DNAH5: variants seen among roughly 807,000 people sequenced by gnomAD.
DNAH5 encodes the protein dynein axonemal heavy chain 5, also known as axonemal beta dynein heavy chain 5.
Under a neutral mutation model 518.2 loss-of-function variants are expected in DNAH5, and 372 were observed. The ratio of observed to expected loss-of-function variants is 0.72; its 90% CI spans 0.66 to 0.78. DNAH5 has a LOEUF of 0.78. Ranked by LOEUF, DNAH5 falls within the 30% of genes least tolerant of loss-of-function variation. The pLI is 0.00. For synonymous variants in DNAH5, 2,039 were observed against 2,025.9 expected (o/e 1.01, Z -0.17); for missense variants, 5,523 against 5,687.0 (o/e 0.97, Z 0.93).
intron 59 of DNAH5, among the ~76,000 whole-genome samples, chr5:13,765,054 C>T (rs1460891041): frequency 5.9e-5 from 9 of 152,162 alleles, no homozygotes. Flanking sequence ...AGGTCATTTA[C>T]AAGTATTGTA....
chr5:13,929,660 T>C (rs1213639016), intron 2 of DNAH5, among the ~76,000 whole-genome samples: 1 of 152,196 alleles, frequency 6.6e-6, no homozygotes, highest in Non-Finnish European at 1.5e-5. Flanking sequence ...GTGAAGGGCA[T>C]GCTTCCATCA....
chr5:13,989,569 T>C (rs549643987), intron 1 of DNAH5, among the ~76,000 whole-genome samples: 122 of 150,886 alleles, frequency 8.1e-4, no homozygotes, highest in Middle Eastern at 3.4e-3. Flanking sequence ...CTGCAAGCTC[T>C]GCCTCCCGGG....
chr5:13,985,430 A>ATAT (rs1782977078), intron 1 of DNAH5, among the ~76,000 whole-genome samples: 2 of 127,346 alleles, frequency 1.6e-5, no homozygotes, highest in Non-Finnish European at 3.4e-5. Flanking sequence ...AGTATAATAA[A>ATAT]ATATATATAT....
In DNAH5 at chr5:13,820,393, C is replaced by G. The variant is rs758160967; in HGVS notation, c.6794G>C (p.Gly2265Ala). 1.3e-5 allele frequency: 21 copies of G among 1,611,292 alleles called. No individual in the cohort carries two copies. Among genetic ancestry groups the G allele is most frequent in the South Asian group, 8.8e-5 (8 of 90,906 alleles). ...GTGGATGCAGGTGGTCTTCCCAGCC[C>G]CACTGGGCCCCAGAGTCATCATCCC... ...RHGMMTLGPSGAGKTTCIHTL... is the reference protein window; with the variant it reads ...RHGMMTLGPSAAGKTTCIHTL... Residue 2265 changes from glycine to alanine, a missense_variant, in exon 41 of 79, where the codon GGG becomes GCG. By Grantham distance (60) the Gly-to-Ala change is moderately conservative. Around this residue, in one of 3 missense-constraint regions of DNAH5, gnomAD observed 5,121 missense variants for 5,223.3 expected, o/e 0.98. Coordinates refer to ENST00000265104, the MANE Select transcript of DNAH5 (RefSeq NM_001369.3).
chr5:13,820,783 C>T (rs916953354), intron 40 of DNAH5, among the ~76,000 whole-genome samples: 3 of 147,768 alleles, frequency 2.0e-5, no homozygotes, highest in Non-Finnish European at 4.4e-5. Flanking sequence ...CGAGATTGCA[C>T]CACTGCACTC....
At chr5:14,004,404 A>G (rs1267564167) in intron 1 of DNAH5, among the ~76,000 whole-genome samples, 1 of 152,206 alleles carries the variant, frequency 6.6e-6, no homozygotes, top group East Asian at 1.9e-4. Flanking sequence ...ACCAAACAAC[A>G]GAGTTGTTTT....
chr5:13,959,597 AGGT>A (rs1267768196), intron 1 of DNAH5, among the ~76,000 whole-genome samples: 4 of 152,156 alleles, frequency 2.6e-5, no homozygotes, highest in African/African-American at 9.7e-5. Context: ...TGGGACCTGG[AGGT>A]GGTTTTACCC....
At position 13,885,215 on chromosome 5, in the gene DNAH5, T is replaced by G; in HGVS notation, c.2757A>C (p.Glu919Asp). Reference protein sequence around the residue: ...YKNESSAKREEGNFDTLTSSI... With the variant: ...YKNESSAKREDGNFDTLTSSI... ...ATGATGTCAAGGTGTCAAAATTTCCTTCTTCTCTTTTTGCTGTTACAAGAT... is the reference window on the plus strand; with the variant it reads ...ATGATGTCAAGGTGTCAAAATTTCCGTCTTCTCTTTTTGCTGTTACAAGAT... Residue 919 changes from glutamate to aspartate, a missense_variant, in exon 19 of 79, where the codon GAA becomes GAC. By Grantham distance (45) the Glu-to-Asp change is conservative. Around this residue, in one of 3 missense-constraint regions of DNAH5, gnomAD observed 5,121 missense variants for 5,223.3 expected, o/e 0.98. Transcript: ENST00000265104. The G allele has an allele frequency of 6.2e-7, 1 of 1,614,112 alleles. No homozygotes were observed. Among genetic ancestry groups the G allele is most frequent in the Non-Finnish European group, 8.5e-7 (1 of 1,179,962 alleles).
intron 75 of DNAH5, among the ~76,000 whole-genome samples, chr5:13,710,070 C>T (rs1357698954): frequency 1.3e-5 from 2 of 152,048 alleles, no homozygotes; most frequent in Non-Finnish European, 2.9e-5. Flanking sequence ...TGCACCCCAC[C>T]GCCAACTCCG....
intron 1 of DNAH5, among the ~76,000 whole-genome samples, chr5:13,999,195 T>G (rs140531341): frequency 6.6e-6 from 1 of 152,360 alleles, no homozygotes; most frequent in East Asian, 1.9e-4. Flanking sequence ...TTTTTAAAAT[T>G]TTATTTTACT....
At position 13,774,326 on chromosome 5, in the gene DNAH5, T is replaced by C. The variant is rs553978720; in HGVS notation, c.9373+2113A>G. Among the ~76,000 whole-genome samples the C allele has an allele frequency of 3.3e-5, 5 of 152,230 alleles. No homozygotes were observed. In the East Asian group the frequency reaches 5.8e-4, roughly 18 times the overall value. On this transcript the variant is annotated intron_variant, in intron 55 of 78. Transcript: ENST00000265104. ...ACAAAGGGGTCTCAGGTTGCCTAGT[T>C]TGATGAGCGATAATGGCCCTTCCTG... is the stretch of plus-strand genomic sequence containing the variant.
In DNAH5 at chr5:13,837,204, A is replaced by C. The variant is rs114167989; in HGVS notation, c.5882+2152T>G. 8.5e-3 allele frequency among the ~76,000 whole-genome samples: 1,289 copies of C among 152,330 alleles called. 17 individuals are homozygous for C. Among genetic ancestry groups the C allele is most frequent in the African/African-American group, 0.029 (1,223 of 41,576 alleles). On this transcript the variant is annotated intron_variant, in intron 35 of 78. Transcript: ENST00000265104. ...TTGTGTGGTTCAAGCTTCTAAATTT[A>C]TGGCAATTTGTTATGGCAGCAATAC...
chr5:13,808,840 G>A (rs1258661146), intron 46 of DNAH5, among the ~76,000 whole-genome samples: 10 of 152,008 alleles, frequency 6.6e-5, no homozygotes, highest in Non-Finnish European at 2.9e-5. Flanking sequence ...GGCACCTGTA[G>A]TCCCAGCTAC....
chr5:13,814,277 T>C (rs1340555071), intron 43 of DNAH5, among the ~76,000 whole-genome samples: 1 of 152,202 alleles, frequency 6.6e-6, no homozygotes, highest in Admixed American at 6.5e-5. Flanking sequence ...TTCAAAAATA[T>C]CATGAATCCC....
At chr5:13,749,093 T>C (rs796970998) in intron 65 of DNAH5, among the ~76,000 whole-genome samples, 7 of 152,170 alleles carry the variant, frequency 4.6e-5, no homozygotes, top group African/African-American at 1.7e-4. Flanking sequence ...TAAAAGCCTC[T>C]TAGAACAAGC....
intron 53 of DNAH5, among the ~76,000 whole-genome samples, chr5:13,778,405 A>T (rs971156307): frequency 2.0e-5 from 3 of 146,608 alleles, no homozygotes; most frequent in African/African-American, 7.5e-5. Context: ...CACCTAGAGA[A>T]GTGAGATCCG....
intron 1 of DNAH5, among the ~76,000 whole-genome samples, chr5:13,962,722 A>C (rs1781264384): frequency 6.6e-6 from 1 of 152,174 alleles, no homozygotes; most frequent in South Asian, 2.1e-4. Context: ...AAGGGGATGG[A>C]ACGGGTTCTC....
rs202045551 is a variant in DNAH5, at chr5:13,873,806, AT to A, written c.3397-2042del. 7.9e-3 allele frequency among the ~76,000 whole-genome samples: 1,196 copies of A among 152,224 alleles called. 17 individuals are homozygous for A. The highest frequency in any genetic ancestry group is 0.028 in the African/African-American group (1,155 of 41,540). On this transcript the variant is annotated intron_variant, in intron 22 of 78. Transcript: ENST00000265104. ...ATGAGCCACGGCGCCTAGCCAAAAA[AT>A]TTGTCTCTTCATTTCTAATTCCTTT... is the stretch of plus-strand genomic sequence containing the variant.
chr5:13,732,120 CAAAA>C (rs34028417), intron 68 of DNAH5, among the ~76,000 whole-genome samples: 22 of 124,884 alleles, frequency 1.8e-4, no homozygotes, highest in African/African-American at 2.6e-4. Context: ...ACTCTGTCTT[CAAAA>C]AAAAAAAAAA....
Sources: gnomAD v4.1 joint callset for allele counts (sites outside exome capture counted in the v4.1 genomes callset) on GRCh38, gnomAD v4.1.1 for gene constraint, gnomAD v4.1.1 regional missense constraint, MANE v1.5 for transcripts, NCBI Gene and HGNC (gene_info 2026-07-23, HGNC 2026-07-21) for gene names.